Variants in NELL2 observed in about 807,000 individuals in gnomAD.
The protein encoded by NELL2 is protein kinase C-binding protein NELL2.
A neutral mutation model predicts 109.6 loss-of-function variants in NELL2; 41 were observed. That is an observed-to-expected ratio of 0.37 (90% CI 0.29 to 0.49). NELL2 has a LOEUF of 0.49. Ranked by LOEUF, NELL2 falls within the 20% of genes least tolerant of loss-of-function variation. The pLI is 0.98. For missense variants in NELL2, 900 were observed against 1,008.3 expected, an observed-to-expected ratio of 0.89 and a Z score of 1.45; for synonymous variants, 355 against 344.7, an observed-to-expected ratio of 1.03 and a Z score of -0.33.
chr12:44,539,379 G>A (rs927043378), intron 15 of NELL2, among the ~76,000 whole-genome samples: 5 of 151,358 alleles, frequency 3.3e-5, no homozygotes, highest in Admixed American at 6.6e-5. Flanking sequence ...AGAAATTGGC[G>A]GGGGGGATGC....
chr12:44,702,300 G>A (rs1314530628), intron 12 of NELL2, among the ~76,000 whole-genome samples: 12 of 152,032 alleles, frequency 7.9e-5, no homozygotes, highest in Admixed American at 7.9e-4. Flanking sequence ...CTGAGCACGG[G>A]AAATTCTTAA....
intron 9 of NELL2, among the ~76,000 whole-genome samples, chr12:44,727,707 C>A (rs1262670297): frequency 6.6e-6 from 1 of 151,936 alleles, no homozygotes; most frequent in Admixed American, 6.6e-5. Flanking sequence ...GATAACTTTT[C>A]TCTTTAGGGG....
intron 19 of NELL2, among the ~76,000 whole-genome samples, chr12:44,509,744 G>A (rs891988621): frequency 6.6e-6 from 1 of 152,136 alleles, no homozygotes; most frequent in Non-Finnish European, 1.5e-5. Flanking sequence ...CCAGTCTATG[G>A]TATTCTGTTA....
At chr12:44,835,617 A>T (rs1302042413) in intron 2 of NELL2, among the ~76,000 whole-genome samples, 1 of 152,202 alleles carries the variant, frequency 6.6e-6, no homozygotes, top group South Asian at 2.1e-4. Context: ...TATTTTTAGG[A>T]TCTTGTCCTA....
chr12:44,827,940 G>A (rs550274380), intron 2 of NELL2, among the ~76,000 whole-genome samples: 3 of 152,232 alleles, frequency 2.0e-5, no homozygotes, highest in Non-Finnish European at 2.9e-5. Flanking sequence ...CAGTATATGC[G>A]GGTTCCCTTT....
At chr12:44,769,807 G>A (rs10128943) in intron 9 of NELL2, among the ~76,000 whole-genome samples, 2,261 of 152,216 alleles carry the variant, frequency 0.015, 55 homozygotes, top group African/African-American at 0.052. Flanking sequence ...ACGTCAAAAT[G>A]ATACAATAAG....
chr12:44,821,380 C>T (rs1194822962), intron 2 of NELL2, among the ~76,000 whole-genome samples: 3 of 152,096 alleles, frequency 2.0e-5, no homozygotes, highest in Admixed American at 1.3e-4. Context: ...TGCCTAATTG[C>T]CAGTCACAAA....
intron 12 of NELL2, among the ~76,000 whole-genome samples, chr12:44,684,287 C>T (rs189073762): frequency 3.2e-3 from 485 of 152,124 alleles, no homozygotes; most frequent in Non-Finnish European, 5.1e-3. Context: ...TTTTTTATTG[C>T]GTCTATTTGA....
chr12:44,558,530 C>T (rs111396359), intron 15 of NELL2, among the ~76,000 whole-genome samples: 168 of 152,156 alleles, frequency 1.1e-3, no homozygotes, highest in African/African-American at 3.8e-3. Flanking sequence ...CAGGGCTGGT[C>T]GGCGGGAGGG....
At chr12:44,919,619 A>G (rs1214152549) in intron 1 of NELL2, among the ~76,000 whole-genome samples, 2 of 152,158 alleles carry the variant, frequency 1.3e-5, no homozygotes, top group Non-Finnish European at 2.9e-5. Flanking sequence ...TGTGAACGTG[A>G]AGGTAGTAAT....
At chr12:44,887,255 G>A (rs1167401896) in intron 1 of NELL2, among the ~76,000 whole-genome samples, 1 of 151,824 alleles carries the variant, frequency 6.6e-6, no homozygotes, top group African/African-American at 2.4e-5. Flanking sequence ...GGGCTTAAGC[G>A]AACTTCCTGC....
In NELL2 at chr12:44,613,906, G is replaced by A. The variant is rs369885816; in HGVS notation, c.1445-2936C>T. 1.8e-4 allele frequency among the ~76,000 whole-genome samples: 27 copies of A among 152,028 alleles called. 1 individual carries two copies. Among genetic ancestry groups the A allele is most frequent in the Admixed American group, 6.6e-4 (10 of 15,250 alleles). Reference sequence around the variant, plus strand: ...GACTCCACCATCAAATCACTAGTTCGCCTCTCCATTTCTAGTACTTCCTCC... The same window carrying A: ...GACTCCACCATCAAATCACTAGTTCACCTCTCCATTTCTAGTACTTCCTCC... On this transcript the variant is annotated intron_variant, in intron 13 of 19. Transcript: ENST00000429094.
At chr12:44,585,399 C>A (rs1351410765) in intron 15 of NELL2, among the ~76,000 whole-genome samples, 1 of 152,004 alleles carries the variant, frequency 6.6e-6, no homozygotes, top group East Asian at 1.9e-4. Flanking sequence ...GTCAGGAGTT[C>A]GAGACCACCC....
intron 15 of NELL2, among the ~76,000 whole-genome samples, chr12:44,599,627 G>A (rs937342050): frequency 6.6e-6 from 1 of 152,076 alleles, no homozygotes; most frequent in Non-Finnish European, 1.5e-5. Context: ...CAGAAGGAGA[G>A]AATAAAGAGA....
At chr12:44,831,527 T>C (rs1387482752) in intron 2 of NELL2, among the ~76,000 whole-genome samples, 2 of 152,228 alleles carry the variant, frequency 1.3e-5, no homozygotes, top group African/African-American at 4.8e-5. Context: ...GCAATAACTC[T>C]CTTCCTCTTC....
At chr12:44,780,126 C>A in intron 3 of NELL2, 104 bp from the exon 4 acceptor site, 1 of 1,190,582 alleles carries the variant, frequency 8.4e-7, no homozygotes, top group South Asian at 1.5e-5. Context: ...TCCTAGTTCT[C>A]CCACTAAGTA....
intron 15 of NELL2, among the ~76,000 whole-genome samples, chr12:44,577,465 GTTTTTTTTT>G (rs746239984): frequency 1.2e-5 from 1 of 83,438 alleles, no homozygotes; most frequent in African/African-American, 7.1e-5. Context: ...CAGATGAGTA[GTTTTTTTTT>G]TTTTTTTTTT....
chr12:44,870,544 T>C (rs2703056), intron 2 of NELL2, among the ~76,000 whole-genome samples: 8,904 of 152,190 alleles, frequency 0.059, 520 homozygotes, highest in East Asian at 0.19. Context: ...ATGAGTCTCA[T>C]TGGTCTAAAA....
At chr12:44,594,080 G>C (rs1175565080) in intron 15 of NELL2, among the ~76,000 whole-genome samples, 4 of 151,434 alleles carry the variant, frequency 2.6e-5, no homozygotes, top group African/African-American at 7.3e-5. Flanking sequence ...TGGCGGGGGG[G>C]AGTCGAACAA....
Sources: allele counts gnomAD v4.1 joint callset (sites outside exome capture counted in the v4.1 genomes callset), GRCh38; gene constraint gnomAD v4.1.1; transcripts MANE v1.5; gene names NCBI Gene and HGNC (gene_info 2026-07-23, HGNC 2026-07-21).